The following RYR3 variants were observed in gnomAD, a reference collection of about 807,000 sequenced individuals.
RYR3 encodes the protein ryanodine receptor 3.
Under a neutral mutation model 584.3 loss-of-function variants are expected in RYR3, and 207 were observed. The ratio of observed to expected loss-of-function variants is 0.35; its 90% confidence interval spans 0.32 to 0.40. The LOEUF (loss-of-function observed/expected upper bound fraction) is 0.40. Ranked by LOEUF, RYR3 falls within the 10% of genes least tolerant of loss-of-function variation. The pLI is 1.00. For synonymous variants in RYR3, 2,416 were observed against 2,248.5 expected (o/e 1.07, Z -2.11); for missense variants, 5,616 against 6,089.2 (o/e 0.92, Z 2.59).
At position 33,363,543 on chromosome 15, in the gene RYR3, A is replaced by T. The variant is rs535568494; in HGVS notation, c.51+52447A>T. Among the ~76,000 whole-genome samples, 15 of 152,324 alleles carry T rather than the reference A, an allele frequency of 9.8e-5. No homozygotes were observed. In the East Asian group the frequency reaches 2.3e-3, roughly 23 times the overall value. On this transcript the variant is annotated intron_variant, in intron 1 of 103. Coordinates refer to ENST00000634891, the MANE Select transcript of RYR3 (RefSeq NM_001036.6). ...TCAAATCCACATATGTGGATATTTTAAAAAACCCTATTTTTAGATATTTGT... is the reference window on the plus strand; with the variant it reads ...TCAAATCCACATATGTGGATATTTTTAAAAACCCTATTTTTAGATATTTGT...
intron 1 of RYR3, among the ~76,000 whole-genome samples, chr15:33,471,621 T>C (rs2048939645): frequency 6.6e-6 from 1 of 150,770 alleles, no homozygotes; most frequent in South Asian, 2.1e-4. Context: ...AATCCATAAT[T>C]ACACTTCTTT....
rs920135581 is a variant in RYR3 at position 33,752,404 on chromosome 15, G to A, written c.8399+2118G>A. Among the ~76,000 whole-genome samples the A allele has an allele frequency of 9.2e-5, 14 of 151,764 alleles. No individual in the cohort carries two copies. The South Asian group carries it at 1.5e-3, about 16-fold the overall frequency. On this transcript the variant is annotated intron_variant, in intron 57 of 103. Transcript: ENST00000634891. ...ATTTGTTTGTGTCCTCTCTTATTTC[G>A]TTGAGCATTGATTTGTAGTTCTCCT...
Position 33,838,436 on chromosome 15 carries a change from T to A in RYR3, c.12456T>A (p.Asn4152Lys). The change falls in exon 89 of 104, where the codon AAT (asparagine) becomes AAA (lysine). Residue 4152 changes from asparagine (N) to lysine (K), a missense_variant. By Grantham distance (94) the Asn-to-Lys change is moderately conservative. Around this residue, in one of 9 missense-constraint regions of RYR3, gnomAD observed 918 missense variants for 887.4 expected, o/e 1.03. Coordinates refer to ENST00000634891, the MANE Select transcript of RYR3 (RefSeq NM_001036.6). The part of the protein sequence containing the change: ...FAMACASVKR[N>K]VTDFLKRATL... Reference sequence around the variant, plus strand: ...TGGCCTGTGCCTCTGTGAAGAGGAATGTCACCGACTTCCTGAAGAGAGCAA... The same window carrying A: ...TGGCCTGTGCCTCTGTGAAGAGGAAAGTCACCGACTTCCTGAAGAGAGCAA... 6.2e-7 allele frequency: 1 copy of A among 1,614,026 alleles called. No individual in the cohort carries two copies. Among genetic ancestry groups the A allele is most frequent in the Non-Finnish European group, 8.5e-7 (1 of 1,179,884 alleles).
At chr15:33,438,769 C>T (rs1596142371) in intron 1 of RYR3, among the ~76,000 whole-genome samples, 1 of 151,744 alleles carries the variant, frequency 6.6e-6, no homozygotes, top group East Asian at 1.9e-4. Context: ...ATAATTTTCT[C>T]CTGAAACTGA....
chr15:33,566,308 A>G (rs1460076858), intron 11 of RYR3, among the ~76,000 whole-genome samples: 1 of 152,312 alleles, frequency 6.6e-6, no homozygotes, highest in South Asian at 2.1e-4. Context: ...CTGGAGGAAA[A>G]GGCTTTGAAC....
At chr15:33,746,803 C>CTTTTT (rs367738785) in intron 53 of RYR3, among the ~76,000 whole-genome samples, 1 of 135,690 alleles carries the variant, frequency 7.4e-6, no homozygotes, top group Non-Finnish European at 1.6e-5. Flanking sequence ...TTTCTTTCTT[C>CTTTTT]TTTTTTTTTT....
chr15:33,725,832 T>C (rs1306954000), intron 45 of RYR3, among the ~76,000 whole-genome samples: 4 of 145,572 alleles, frequency 2.7e-5, no homozygotes, highest in Non-Finnish European at 6.0e-5. Context: ...TAGCCAGGTG[T>C]GGTGGCGGGC....
rs367645544 is a variant in RYR3 at position 33,750,007 on chromosome 15, A to T, written c.8228A>T (p.Tyr2743Phe). Residue 2743 changes from tyrosine (Y) to phenylalanine (F), a missense_variant, in exon 56 of 104, where the codon TAT (tyrosine) becomes TTT (phenylalanine). Physicochemically the swap from Tyr to Phe is conservative, Grantham distance 22. This residue lies in a region of RYR3 where 1,280 missense variants were observed against 1,426.2 expected (regional missense o/e 0.90). Coordinates refer to ENST00000634891, the MANE Select transcript of RYR3 (RefSeq NM_001036.6). ...QGMVEVVAEN[Y>F]HNIWAKKKKL... ...ATGGTGGAGGTCGTGGCTGAGAACT[A>T]TCACAATATCTGGGCCAAGAAGAAG... The T allele has an allele frequency of 1.9e-6, 3 of 1,612,458 alleles. No individual in the cohort carries two copies. Among genetic ancestry groups the T allele is most frequent in the African/African-American group, 1.3e-5 (1 of 74,876 alleles).
chr15:33,550,009 A>G (rs1348804131), intron 9 of RYR3, 151 bp from the exon 10 acceptor site: 3 of 712,874 alleles, frequency 4.2e-6, no homozygotes, highest in African/African-American at 1.8e-5. Context: ...ATGAAATCCT[A>G]CAGCAAGCCA....
intron 85 of RYR3, among the ~76,000 whole-genome samples, chr15:33,827,669 A>G (rs2077450168): frequency 6.6e-6 from 1 of 152,232 alleles, no homozygotes; most frequent in African/African-American, 2.4e-5. Context: ...TGAGTTTACA[A>G]GTTCGTGTTG....
intron 52 of RYR3, among the ~76,000 whole-genome samples, chr15:33,744,716 G>T (rs953290905): frequency 1.2e-4 from 18 of 152,238 alleles, no homozygotes; most frequent in African/African-American, 4.1e-4. Flanking sequence ...TGCAGACCCA[G>T]GGAGGCAAGA....
intron 1 of RYR3, among the ~76,000 whole-genome samples, chr15:33,459,779 C>T (rs1037930875): frequency 6.6e-6 from 1 of 152,114 alleles, no homozygotes; most frequent in African/African-American, 2.4e-5. Context: ...AATTTGTATA[C>T]TATATAACTC....
intron 60 of RYR3, among the ~76,000 whole-genome samples, chr15:33,760,632 T>TATA (rs1266798470): frequency 6.6e-6 from 1 of 152,148 alleles, no homozygotes; most frequent in African/African-American, 2.4e-5. Context: ...CAAACAGACT[T>TATA]AGACTCCCAC....
In RYR3 at chr15:33,660,284, A is replaced by C; in HGVS notation, c.4483A>C (p.Ile1495Leu). 1.3e-6 allele frequency: 2 copies of C among 1,563,190 alleles called. No individual in the cohort carries two copies. The highest frequency in any genetic ancestry group is 1.7e-6 in the Non-Finnish European group (2 of 1,153,842). The change falls in exon 34 of 104, where the codon ATC becomes CTC. Residue 1495 changes from isoleucine to leucine, a missense_variant. Ile to Leu is a conservative substitution (Grantham distance 5, BLOSUM62 2). Coordinates refer to ENST00000634891, the MANE Select transcript of RYR3 (RefSeq NM_001036.6). ...TCCACCTCGGCTGGACGTCCAAACC[A>C]TCCAGCCCGTGCTCTGGAGCCGCAT... ...QCPPRLDVQT[I>L]QPVLWSRMPN...
chr15:33,860,525 TC>T, intron 100 of RYR3, 69 bp from the exon 101 acceptor site: 1 of 892,390 alleles, frequency 1.1e-6, no homozygotes, highest in Non-Finnish European at 1.7e-6. Context: ...CAAAGTAGCT[TC>T]TTCCTTTATC....
chr15:33,436,073 G>T (rs1016241883), intron 1 of RYR3, among the ~76,000 whole-genome samples: 4 of 152,150 alleles, frequency 2.6e-5, no homozygotes, highest in African/African-American at 9.7e-5. Context: ...AGACAGAAAA[G>T]TTCTCTAAGT....
chr15:33,329,761 A>G (rs1970158731), intron 1 of RYR3, among the ~76,000 whole-genome samples: 2 of 152,182 alleles, frequency 1.3e-5, no homozygotes, highest in Admixed American at 1.3e-4. Context: ...ATGCTTGTAC[A>G]TAGGACTGGT....
At chr15:33,626,970 T>C (rs984933766) in intron 20 of RYR3, among the ~76,000 whole-genome samples, 3 of 152,084 alleles carry the variant, frequency 2.0e-5, no homozygotes, top group African/African-American at 7.2e-5. Context: ...AATGTGGGAT[T>C]GAAGCCCCCA....
intron 70 of RYR3, among the ~76,000 whole-genome samples, chr15:33,809,160 C>A (rs1490601936): frequency 6.6e-6 from 1 of 152,208 alleles, no homozygotes; most frequent in Non-Finnish European, 1.5e-5. Flanking sequence ...AAGCCTTTTC[C>A]CATAAAATGA....
Sources: allele counts gnomAD v4.1 joint callset (sites outside exome capture counted in the v4.1 genomes callset), GRCh38; gene constraint gnomAD v4.1.1; regional missense constraint gnomAD v4.1.1; transcripts MANE v1.5; gene names NCBI Gene and HGNC (gene_info 2026-07-23, HGNC 2026-07-21).